The following ERICH1 variants were observed in gnomAD, a reference collection of about 807,000 sequenced individuals.
ERICH1 encodes the protein glutamate rich 1, also known as glutamate-rich protein 1.
Under a neutral mutation model 39.6 loss-of-function variants are expected in ERICH1, and 56 were observed. The ratio of observed to expected loss-of-function variants is 1.41; its 90% CI spans 1.14 to 1.77. ERICH1 has a LOEUF of 1.77. Among genes scored for constraint, ERICH1 ranks in the 40% most tolerant of loss-of-function variants. The pLI, the probability that ERICH1 is intolerant of heterozygous loss-of-function variation, is 0.00. For missense variants in ERICH1, 826 were observed against 575.4 expected (o/e 1.44, Z -4.45); for synonymous variants, 313 against 223.6 (o/e 1.40, Z -3.57).
In ERICH1 at chr8:715,985, CT is replaced by C; in HGVS notation, c.44del (p.Gln15ArgfsTer28). ...RKHVFVEKVL[Q>X]RLFPPVPSGQ... ...CACTTGGAACAGGAGGAAAAAGTCT[CT>C]GCAGCACCTTCTCCACAAACACTGT... On this transcript the variant is annotated frameshift_variant, in exon 2 of 6. Coordinates refer to ENST00000262109, the MANE Select transcript of ERICH1 (RefSeq NM_207332.3). LOFTEE classifies it high-confidence loss of function. 6.2e-7 allele frequency: 1 copy of C among 1,611,444 alleles called. No individual in the cohort carries two copies.
intron 1 of ERICH1, among the ~76,000 whole-genome samples, chr8:722,902 A>T (rs1467673225): frequency 6.6e-6 from 1 of 152,230 alleles, no homozygotes; most frequent in Non-Finnish European, 1.5e-5. Context: ...AGAGACCACA[A>T]ATATTCACGA....
At chr8:635,612 C>G (rs573981876) in intron 3 of ERICH1, among the ~76,000 whole-genome samples, 1 of 152,228 alleles carries the variant, frequency 6.6e-6, no homozygotes, top group African/African-American at 2.4e-5. Context: ...GCCAGAGGAC[C>G]CTGCGGGATG....
chr8:683,059 A>G (rs912509043), intron 3 of ERICH1, among the ~76,000 whole-genome samples: 16 of 152,206 alleles, frequency 1.1e-4, no homozygotes, highest in Non-Finnish European at 2.1e-4. Context: ...ATATTTTGTA[A>G]TAACACCATA....
At chr8:630,230 C>G (rs1277536619) in intron 3 of ERICH1, among the ~76,000 whole-genome samples, 2 of 137,648 alleles carry the variant, frequency 1.5e-5, no homozygotes, top group Non-Finnish European at 3.1e-5. Flanking sequence ...CTGTGACCAC[C>G]CACACAGACA....
At chr8:657,606 G>A (rs1232059291) in intron 3 of ERICH1, among the ~76,000 whole-genome samples, 1 of 150,772 alleles carries the variant, frequency 6.6e-6, no homozygotes, top group African/African-American at 2.4e-5. Flanking sequence ...ATGGGTCTCT[G>A]TGGGGAAATG....
intron 2 of ERICH1, among the ~76,000 whole-genome samples, chr8:693,910 C>A (rs1395639807): frequency 6.6e-6 from 1 of 152,246 alleles, no homozygotes; most frequent in African/African-American, 2.4e-5. Context: ...GCCCGCTTTT[C>A]ATGCACACTG....
Position 692,465 on chromosome 8 carries a change from C to G in ERICH1, c.304+13G>C. The stretch of plus-strand genomic sequence containing the variant: ...GCAAAGATGTCTACCTTTCCTCCCA[C>G]CCAGCATTTTACCTTCTGTGTCATC... On this transcript the variant is annotated intron_variant, in intron 3 of 5. Transcript: ENST00000262109. 1.2e-6 allele frequency: 2 copies of G among 1,614,006 alleles called. No homozygotes were observed. The highest frequency in any genetic ancestry group is 8.5e-7 in the Non-Finnish European group (1 of 1,179,962).
intron 3 of ERICH1, among the ~76,000 whole-genome samples, chr8:678,443 G>A (rs1270627483): frequency 6.6e-6 from 1 of 152,178 alleles, no homozygotes; most frequent in Non-Finnish European, 1.5e-5. Context: ...GAAAGAAACA[G>A]AAAATCACAA....
chr8:723,655 C>G (rs924694175), intron 1 of ERICH1, among the ~76,000 whole-genome samples: 4 of 152,214 alleles, frequency 2.6e-5, no homozygotes, highest in African/African-American at 9.7e-5. Context: ...ATCTGCCTGT[C>G]TCATTGTAAT....
chr8:720,375 G>A (rs1585671711), intron 1 of ERICH1, among the ~76,000 whole-genome samples: 1 of 152,314 alleles, frequency 6.6e-6, no homozygotes, highest in Non-Finnish European at 1.5e-5. Flanking sequence ...CCGCGCCAGT[G>A]TCAGCCACAG....
chr8:682,533 C>T (rs947391018), intron 3 of ERICH1, among the ~76,000 whole-genome samples: 1 of 152,198 alleles, frequency 6.6e-6, no homozygotes, highest in African/African-American at 2.4e-5. Flanking sequence ...ATCTCCAGGG[C>T]ATGTGGGAGG....
At chr8:642,431 T>G (rs1260447635) in intron 3 of ERICH1, among the ~76,000 whole-genome samples, 3 of 134,726 alleles carry the variant, frequency 2.2e-5, no homozygotes, top group Admixed American at 8.4e-5. Flanking sequence ...TGCAAGCTCC[T>G]CCTCCTGGGT....
At chr8:628,903 C>G (rs552399335) in intron 3 of ERICH1, among the ~76,000 whole-genome samples, 1 of 152,186 alleles carries the variant, frequency 6.6e-6, no homozygotes, top group Non-Finnish European at 1.5e-5. Flanking sequence ...GCTCACGAAC[C>G]TCGGGGTCCC....
chr8:625,473 C>T (rs547085346), intron 3 of ERICH1, among the ~76,000 whole-genome samples: 9 of 152,056 alleles, frequency 5.9e-5, no homozygotes, highest in East Asian at 3.9e-4. Flanking sequence ...GCTGAGGGTA[C>T]GGGGTCTGGG....
At chr8:626,828 T>G in intron 3 of ERICH1, 1 of 251,194 alleles carries the variant, frequency 4.0e-6, no homozygotes. Context: ...CATCATGGAG[T>G]TTTTGGTCTC....
intron 1 of ERICH1, among the ~76,000 whole-genome samples, chr8:728,568 C>A (rs1367237730): frequency 2.6e-5 from 4 of 152,202 alleles, no homozygotes; most frequent in Admixed American, 2.0e-4. Flanking sequence ...CCAGAAACAG[C>A]CCGACCTGAG....
At chr8:697,755 C>T (rs1398020104) in intron 2 of ERICH1, among the ~76,000 whole-genome samples, 3 of 151,878 alleles carry the variant, frequency 2.0e-5, no homozygotes, top group Non-Finnish European at 4.4e-5. Context: ...CTTCAGCTGT[C>T]AGCACAGCAG....
In ERICH1 at chr8:726,670, C is replaced by T. The variant is rs1002949054; in HGVS notation, c.22+4470G>A. 6.0e-5 allele frequency among the ~76,000 whole-genome samples: 9 copies of T among 150,654 alleles called. No individual in the cohort carries two copies. In the South Asian group the frequency reaches 6.3e-4, roughly 10 times the overall value. ...CATGTACACAAGTGCCACACACAGACGTGTACACAGGCACATCATACACAG... is the reference window on the plus strand; with the variant it reads ...CATGTACACAAGTGCCACACACAGATGTGTACACAGGCACATCATACACAG... On this transcript the variant is annotated intron_variant, in intron 1 of 5. Coordinates refer to ENST00000262109, the MANE Select transcript of ERICH1 (RefSeq NM_207332.3).
At chr8:666,139 C>T (rs1011881919) in intron 5 of ERICH1, 6 of 152,192 alleles carry the variant, frequency 3.9e-5, no homozygotes, top group Non-Finnish European at 5.9e-5. Flanking sequence ...ACATAAATGT[C>T]TGTGTACACA....
Sources: allele counts gnomAD v4.1 joint callset (sites outside exome capture counted in the v4.1 genomes callset), GRCh38; gene constraint gnomAD v4.1.1; transcripts MANE v1.5; gene names NCBI Gene and HGNC (gene_info 2026-07-23, HGNC 2026-07-21).